The following NCAN variants were observed in gnomAD, a reference collection of about 807,000 sequenced individuals.
NCAN encodes the protein neurocan, also known as neurocan core protein.
NCAN carries 47 observed loss-of-function variants against 121.8 expected under a neutral mutation model. That is an observed-to-expected ratio of 0.39 (90% CI 0.31 to 0.49). The LOEUF is 0.49. Among genes scored for constraint, NCAN ranks in the 20% least tolerant of loss-of-function variants. NCAN has a pLI of 0.92. For synonymous variants in NCAN, 633 were observed against 702.0 expected, an observed-to-expected ratio of 0.90 and a Z score of 1.55; for missense variants, 1,517 against 1,773.4, an observed-to-expected ratio of 0.86 and a Z score of 2.60.
chr19:19,227,551 T>C lies in NCAN; in HGVS notation c.1931T>C (p.Leu644Pro). ...CTGCGTGGTCCCAAAGAGTGGATGC[T>C]ACCACACCCCACCCCCATCTCCACC... is the stretch of plus-strand genomic sequence containing the variant. ...AMLRGPKEWM[L>P]PHPTPISTEA... The change falls in exon 8 of 15, where the codon CTA (leucine) becomes CCA (proline). Residue 644 changes from leucine (L) to proline (P), a missense_variant. Leu to Pro is a moderately conservative substitution (Grantham distance 98). Coordinates refer to ENST00000252575, the MANE Select transcript of NCAN (RefSeq NM_004386.3). The surrounding 1 kb of genome is among the most constrained non-coding windows in gnomAD (Gnocchi z 4.2). 2 of 1,613,758 alleles carry C rather than the reference T, an allele frequency of 1.2e-6. No individual in the cohort carries two copies. The highest frequency in any genetic ancestry group is 1.7e-6 in the Non-Finnish European group (2 of 1,179,964).
chr19:19,224,251 C>T (rs2060826889), intron 4 of NCAN, 55 bp from the exon 5 acceptor site: 12 of 1,595,292 alleles, frequency 7.5e-6, no homozygotes, highest in African/African-American at 1.3e-5. Flanking sequence ...GAAGGAGGTT[C>T]CTTGGGGGCT....
Position 19,216,971 on chromosome 19 carries a change from C to T in NCAN, c.18C>T (p.Val6=), listed in dbSNP as rs768718163. MGAPF[V]WALGLLMLQM... is the part of the protein sequence containing the mutation. ...GATCCAGGATGGGGGCCCCGTTTGT[C>T]TGGGCCTTGGGCCTTTTGATGCTGC... The change falls in exon 2 of 15, where the codon GTC becomes GTT. Residue 6 remains valine (V), a synonymous_variant. Transcript: ENST00000252575. The T allele has an allele frequency of 1.5e-6, 2 of 1,312,088 alleles. No individual in the cohort carries two copies. Among genetic ancestry groups the T allele is most frequent in the Non-Finnish European group, 9.8e-7 (1 of 1,021,174 alleles). 81.3% of individuals were successfully genotyped at this position (1,312,088 alleles called of 1,614,324 possible).
At chr19:19,231,879 C>G (rs1238419675) in intron 8 of NCAN, among the ~76,000 whole-genome samples, 1 of 151,848 alleles carries the variant, frequency 6.6e-6, no homozygotes, top group Non-Finnish European at 1.5e-5. Context: ...CTCAGGGGTG[C>G]TGAGGTGGGA....
At chr19:19,234,614 A>G (rs1226814338) in intron 9 of NCAN, among the ~76,000 whole-genome samples, 1 of 152,192 alleles carries the variant, frequency 6.6e-6, no homozygotes, top group Admixed American at 6.5e-5. Context: ...AGCTTTACCC[A>G]CAAACAGCTT....
At chr19:19,231,575 G>A (rs922538238) in intron 8 of NCAN, among the ~76,000 whole-genome samples, 3 of 151,966 alleles carry the variant, frequency 2.0e-5, no homozygotes, top group African/African-American at 4.8e-5. Context: ...TGATCTGCCC[G>A]CCTCAGCCTC....
At chr19:19,216,865 G>T in intron 1 of NCAN, 82 bp from the exon 2 acceptor site, 1 of 716,568 alleles carries the variant, frequency 1.4e-6, no homozygotes, top group Non-Finnish European at 2.1e-6. Context: ...CTGTAGAGTG[G>T]GGGAGTTTGG....
intron 1 of NCAN, among the ~76,000 whole-genome samples, chr19:19,216,057 C>G (rs1392744751): frequency 1.3e-5 from 2 of 152,210 alleles, no homozygotes; most frequent in Non-Finnish European, 2.9e-5. Flanking sequence ...CAAGATCACA[C>G]AAAAGGAACA....
chr19:19,249,042 C>A, intron 14 of NCAN, 160 bp downstream of exon 14: 1 of 669,296 alleles, frequency 1.5e-6, no homozygotes, highest in Non-Finnish European at 2.5e-6. Context: ...ATGTTTCCTT[C>A]ATTTGTGTGT....
intron 1 of NCAN, among the ~76,000 whole-genome samples, chr19:19,214,640 G>T (rs1260991375): frequency 6.6e-6 from 1 of 151,966 alleles, no homozygotes; most frequent in African/African-American, 2.4e-5. Flanking sequence ...CATTTTACAG[G>T]TGGGGAAACT....
chr19:19,233,792 A>C lies in NCAN; in HGVS notation c.3023A>C (p.His1008Pro). 6.2e-7 allele frequency: 1 copy of C among 1,603,942 alleles called. No homozygotes were observed. Among genetic ancestry groups the C allele is most frequent in the Non-Finnish European group, 8.5e-7 (1 of 1,170,836 alleles). Reference protein sequence around the residue: ...TPMNAGAEEVHSDPCENNPCL... With the variant: ...TPMNAGAEEVPSDPCENNPCL... ...ACACTACCCATCCATCCTGCAGTGC[A>C]CTCAGATCCCTGTGAGAACAACCCT... The change falls in exon 9 of 15, where the codon CAC becomes CCC. Residue 1008 changes from histidine (H) to proline (P), a missense_variant. Transcript: ENST00000252575.
chr19:19,241,034 G>T (rs80306943), intron 12 of NCAN, among the ~76,000 whole-genome samples: 3 of 152,138 alleles, frequency 2.0e-5, no homozygotes, highest in African/African-American at 7.2e-5. Context: ...CAGCACTTTG[G>T]GAGGCCAAGG....
Position 19,250,245 on chromosome 19 carries a change from G to A in NCAN, c.*334G>A. 1 of 498,742 alleles carries A rather than the reference G, an allele frequency of 2.0e-6. No homozygotes were observed. Among genetic ancestry groups the A allele is most frequent in the African/African-American group, 1.9e-5 (1 of 51,546 alleles). 30.9% of individuals were successfully genotyped at this position (498,742 alleles called of 1,614,324 possible). ...GATTGAAGCAGGCCTTGATGAGGGT[G>A]CATGAGTGTATGTTTGCATTCACAT... On this transcript the variant is annotated 3_prime_UTR_variant, in exon 15 of 15. Coordinates refer to ENST00000252575, the MANE Select transcript of NCAN (RefSeq NM_004386.3).
At chr19:19,239,856 T>C (rs1599821111) in intron 11 of NCAN, among the ~76,000 whole-genome samples, 5 of 81,954 alleles carry the variant, frequency 6.1e-5, no homozygotes, top group Admixed American at 1.4e-4. Context: ...TCCCTCCAAC[T>C]CCTCCCCTCC....
chr19:19,221,442 C>T (rs941027150), intron 3 of NCAN, among the ~76,000 whole-genome samples: 3 of 152,008 alleles, frequency 2.0e-5, no homozygotes, highest in African/African-American at 7.2e-5. Flanking sequence ...GTGGCACATT[C>T]CTGTAACCCC....
Position 19,247,681 on chromosome 19 carries a change from G to A in NCAN, c.3638-1019G>A, listed in dbSNP as rs892210725. ...GCTGGCATTACAGGCCTGAGCTGCC[G>A]CACCCGGCCTTTATTTGCTCAGATA... On this transcript the variant is annotated intron_variant, in intron 13 of 14. Coordinates refer to ENST00000252575, the MANE Select transcript of NCAN (RefSeq NM_004386.3). Among the ~76,000 whole-genome samples the A allele has an allele frequency of 8.5e-5, 13 of 152,146 alleles. No homozygotes were observed. In the South Asian group the frequency reaches 1.5e-3, roughly 17 times the overall value.
At position 19,218,996 on chromosome 19, in the gene NCAN, C is replaced by A; in HGVS notation, c.155C>A (p.Ala52Glu). 2 of 1,595,474 alleles carry A rather than the reference C, an allele frequency of 1.3e-6. No individual in the cohort carries two copies. Among genetic ancestry groups the A allele is most frequent in the Non-Finnish European group, 1.7e-6 (2 of 1,169,184 alleles). The change falls in exon 3 of 15, where the codon GCG becomes GAG. Residue 52 changes from alanine (A) to glutamate (E), a missense_variant. Physicochemically the swap from Ala to Glu is moderately radical, Grantham distance 107 (BLOSUM62 -1). Coordinates refer to ENST00000252575, the MANE Select transcript of NCAN (RefSeq NM_004386.3). ...TCTGGGTCAGTGCAGGCTGCGCTGG[C>A]GGAGCTGGTGGCCCTGCCCTGTCTC... ...LGSGSVQAALAELVALPCLFT... is the reference protein window; with the variant it reads ...LGSGSVQAALEELVALPCLFT...
chr19:19,240,923 G>C (rs1384124198), intron 12 of NCAN, among the ~76,000 whole-genome samples: 1 of 152,158 alleles, frequency 6.6e-6, no homozygotes, highest in Non-Finnish European at 1.5e-5. Context: ...CCTGAGACTA[G>C]GGTCTGATGC....
In NCAN at chr19:19,228,038, G is replaced by A. The variant is rs1287533724; in HGVS notation, c.2418G>A (p.Leu806=). 1 of 1,613,492 alleles carries A rather than the reference G, an allele frequency of 6.2e-7. No individual in the cohort carries two copies. The highest frequency in any genetic ancestry group is 8.5e-7 in the Non-Finnish European group (1 of 1,180,026). The change falls in exon 8 of 15, where the codon TTG becomes TTA. Residue 806 remains leucine (L), a synonymous_variant. Coordinates refer to ENST00000252575, the MANE Select transcript of NCAN (RefSeq NM_004386.3). ...CCCTGGGGAGCCCTGGAGTCTTCTT[G>A]GTACCCAAAGTCACCCCAAATTTGG... is the stretch of plus-strand genomic sequence containing the variant. The part of the protein sequence containing the change: ...SAPLGSPGVF[L]VPKVTPNLEP...
In NCAN at chr19:19,251,638, C is replaced by G. The variant is rs2060946549; in HGVS notation, c.*1727C>G. On this transcript the variant is annotated 3_prime_UTR_variant, in exon 15 of 15. Coordinates refer to ENST00000252575, the MANE Select transcript of NCAN (RefSeq NM_004386.3). ...TCTTGGTTCTGACCCAAATCCTGCT[C>G]TGGACTCTGGAGAGGAGATTGAAAT... 6.6e-6 allele frequency: 1 copy of G among 152,196 alleles called. No homozygotes were observed. Among genetic ancestry groups the G allele is most frequent in the Non-Finnish European group, 1.5e-5 (1 of 68,040 alleles). 9.4% of individuals were successfully genotyped at this position (152,196 alleles called of 1,614,324 possible).
Sources: allele counts gnomAD v4.1 joint callset (sites outside exome capture counted in the v4.1 genomes callset), GRCh38; gene constraint gnomAD v4.1.1; non-coding constraint Gnocchi (gnomAD v3.1); transcripts MANE v1.5; gene names NCBI Gene and HGNC (gene_info 2026-07-23, HGNC 2026-07-21).